Variants in PLPPR1 observed in about 807,000 individuals in gnomAD.
PLPPR1 encodes the protein phospholipid phosphatase-related protein type 1.
A neutral mutation model predicts 33.1 loss-of-function variants in PLPPR1; 10 were observed. The observed-to-expected ratio is 0.30, with a 90% CI of 0.19 to 0.51. The LOEUF (loss-of-function observed/expected upper bound fraction) is 0.51. PLPPR1 is among the 20% of genes least tolerant of loss of function. The pLI, the probability that PLPPR1 is intolerant of heterozygous loss-of-function variation, is 0.97. For synonymous variants in PLPPR1, 151 were observed against 151.0 expected, an observed-to-expected ratio of 1.00 and a Z score of 0.00; for missense variants, 304 against 408.1, an observed-to-expected ratio of 0.74 and a Z score of 2.20.
intron 1 of PLPPR1, among the ~76,000 whole-genome samples, chr9:101,108,119 C>T (rs900836349): frequency 2.7e-5 from 4 of 146,820 alleles, no homozygotes; most frequent in African/African-American, 5.3e-5. Flanking sequence ...CTGCGTCGCT[C>T]ACGCTGGGAG....
chr9:101,130,343 C>T (rs925836886), intron 1 of PLPPR1, among the ~76,000 whole-genome samples: 1 of 152,150 alleles, frequency 6.6e-6, no homozygotes, highest in Non-Finnish European at 1.5e-5. Context: ...ACAGAGCTTA[C>T]ATGATCCAAG....
At chr9:101,083,527 G>A (rs2118516439) in intron 1 of PLPPR1, among the ~76,000 whole-genome samples, 1 of 152,082 alleles carries the variant, frequency 6.6e-6, no homozygotes, top group African/African-American at 2.4e-5. Context: ...ATGCAATGAA[G>A]CCTCCCGTAA....
chr9:101,049,062 A>G (rs1488790507), intron 1 of PLPPR1, among the ~76,000 whole-genome samples: 4 of 152,218 alleles, frequency 2.6e-5, no homozygotes, highest in Admixed American at 2.6e-4. Flanking sequence ...TCAGTAAACA[A>G]TTTTAAAATT....
intron 2 of PLPPR1, among the ~76,000 whole-genome samples, chr9:101,219,732 C>T (rs1220381159): frequency 6.6e-6 from 1 of 152,142 alleles, no homozygotes; most frequent in Admixed American, 6.5e-5. Context: ...AGTATTTATC[C>T]TCTTGTTGCT....
At chr9:101,158,216 G>A (rs1831722289) in intron 1 of PLPPR1, among the ~76,000 whole-genome samples, 2 of 151,976 alleles carry the variant, frequency 1.3e-5, no homozygotes, top group South Asian at 4.1e-4. Flanking sequence ...AGTAAAGATG[G>A]GAAAATTACA....
chr9:101,306,279 C>T (rs1308087156), intron 4 of PLPPR1, among the ~76,000 whole-genome samples: 1 of 152,212 alleles, frequency 6.6e-6, no homozygotes, highest in South Asian at 2.1e-4. Context: ...ACAAAAAACC[C>T]TTCTGGAGAT....
At chr9:101,305,592 A>T (rs1828844350) in intron 4 of PLPPR1, among the ~76,000 whole-genome samples, 2 of 152,152 alleles carry the variant, frequency 1.3e-5, no homozygotes, top group African/African-American at 4.8e-5. Context: ...ACTCTGTTGC[A>T]TGCATCTAGG....
rs147704615 is a variant in PLPPR1, at chr9:101,235,647, G to A, written c.64-34233G>A. Among the ~76,000 whole-genome samples the A allele has an allele frequency of 1.4e-3, 217 of 151,740 alleles. 2 individuals are homozygous for A. The highest frequency in any genetic ancestry group is 4.6e-3 in the African/African-American group (190 of 41,458). ...GATTATTTCTAAGTGCTCAATTACC[G>A]AGAGCACTTCTTGGGTCTAGCTCTT... On this transcript the variant is annotated intron_variant, in intron 2 of 7. Transcript: ENST00000374874.
chr9:101,040,141 T>C (rs894830317), intron 1 of PLPPR1, among the ~76,000 whole-genome samples: 1 of 152,176 alleles, frequency 6.6e-6, no homozygotes, highest in African/African-American at 2.4e-5. Flanking sequence ...GTCTGCATGA[T>C]TTTATTTTCA....
chr9:101,241,895 T>C (rs1031459539), intron 2 of PLPPR1, among the ~76,000 whole-genome samples: 12 of 152,110 alleles, frequency 7.9e-5, no homozygotes, highest in African/African-American at 2.9e-4. Context: ...CCTATTTTAA[T>C]AGTTAAAAGC....
At chr9:101,179,783 T>A (rs760422148) in intron 1 of PLPPR1, among the ~76,000 whole-genome samples, 1 of 152,040 alleles carries the variant, frequency 6.6e-6, no homozygotes, top group Non-Finnish European at 1.5e-5. Flanking sequence ...AGTGTGTCTG[T>A]GAAGGCATTG....
In PLPPR1 at chr9:101,158,953, T is replaced by C. The variant is rs747493822; in HGVS notation, c.-45-26497T>C. 1.4e-4 allele frequency among the ~76,000 whole-genome samples: 22 copies of C among 152,332 alleles called. 1 individual carries two copies. The highest frequency in any genetic ancestry group is 2.9e-4 in the Non-Finnish European group (20 of 68,034). ...TGGAGGCATGGCATTGAATGGACTC[T>C]CCATTAACCTTTCATGTAATAATTT... On this transcript the variant is annotated intron_variant, in intron 1 of 7. Coordinates refer to ENST00000374874, the MANE Select transcript of PLPPR1 (RefSeq NM_207299.2).
intron 2 of PLPPR1, among the ~76,000 whole-genome samples, chr9:101,226,669 A>C (rs1827076991): frequency 1.3e-5 from 2 of 152,138 alleles, no homozygotes; most frequent in Admixed American, 1.3e-4. Context: ...CTCAAGACCT[A>C]ATCACCTCCC....
chr9:101,237,227 TAAATTAGTAC>T (rs1298718862), intron 2 of PLPPR1, among the ~76,000 whole-genome samples: 2 of 151,808 alleles, frequency 1.3e-5, no homozygotes, highest in African/African-American at 4.8e-5. Flanking sequence ...GGTGGGAATG[TAAATTAGTAC>T]AGCCTCTGTG....
At chr9:101,135,970 T>C (rs927206314) in intron 1 of PLPPR1, among the ~76,000 whole-genome samples, 4 of 152,214 alleles carry the variant, frequency 2.6e-5, no homozygotes, top group East Asian at 3.8e-4. Flanking sequence ...TCAGAAACCG[T>C]AGGCAAAATG....
At chr9:101,037,854 G>GTTT (rs34419550) in intron 1 of PLPPR1, among the ~76,000 whole-genome samples, 28 of 138,732 alleles carry the variant, frequency 2.0e-4, no homozygotes, top group Admixed American at 2.9e-4. Context: ...TTTGGGTCTA[G>GTTT]TTTTTTTTTT....
At chr9:101,203,377 T>C (rs534903764) in intron 2 of PLPPR1, among the ~76,000 whole-genome samples, 111 of 152,296 alleles carry the variant, frequency 7.3e-4, no homozygotes, top group Non-Finnish European at 1.3e-3. Context: ...AAAGACTTTA[T>C]GGTCCTTTGG....
At chr9:101,311,919 A>C (rs1828964470) in intron 5 of PLPPR1, among the ~76,000 whole-genome samples, 1 of 152,326 alleles carries the variant, frequency 6.6e-6, no homozygotes, top group African/African-American at 2.4e-5. Context: ...AAAAAAGTGT[A>C]CTTACATGAA....
chr9:101,266,339 T>C (rs1827993987), intron 2 of PLPPR1, among the ~76,000 whole-genome samples: 1 of 146,666 alleles, frequency 6.8e-6, no homozygotes, highest in Admixed American at 7.0e-5. Context: ...GAGGTTGCAG[T>C]GAGCCGAGAT....
Sources: allele counts gnomAD v4.1 joint callset (sites outside exome capture counted in the v4.1 genomes callset), GRCh38; gene constraint gnomAD v4.1.1; transcripts MANE v1.5; gene names NCBI Gene and HGNC (gene_info 2026-07-23, HGNC 2026-07-21).